The following PAK2 variants were observed in gnomAD, a reference collection of about 807,000 sequenced individuals.
PAK2 encodes the protein p21 (RAC1) activated kinase 2.
A neutral mutation model predicts 65.9 loss-of-function variants in PAK2; 21 were observed. The observed-to-expected ratio is 0.32, with a 90% confidence interval of 0.23 to 0.46. The LOEUF is 0.46. Ranked by LOEUF, PAK2 falls within the 20% of genes least tolerant of loss-of-function variation. The pLI, the probability that PAK2 is intolerant of heterozygous loss-of-function variation, is 1.00. For missense variants in PAK2, 324 were observed against 642.6 expected (o/e 0.50, Z 5.36); for synonymous variants, 204 against 219.7 (o/e 0.93, Z 0.63).
intron 13 of PAK2, among the ~76,000 whole-genome samples, chr3:196,821,733 C>T (rs998093714): frequency 1.3e-5 from 2 of 152,072 alleles, no homozygotes; most frequent in African/African-American, 2.4e-5. Flanking sequence ...CTAGAAATCT[C>T]GTTCATTGCA....
At chr3:196,763,883 C>T (rs766159927) in intron 1 of PAK2, among the ~76,000 whole-genome samples, 3 of 152,018 alleles carry the variant, frequency 2.0e-5, no homozygotes, top group Admixed American at 6.6e-5. Flanking sequence ...ACTGCAAGCT[C>T]TGCCTCCTGG....
chr3:196,819,414 G>A (rs1711582768), intron 12 of PAK2, among the ~76,000 whole-genome samples: 1 of 152,100 alleles, frequency 6.6e-6, no homozygotes. Flanking sequence ...TGCACACAGC[G>A]TGGGCAACAG....
chr3:196,826,049 G>T (rs1711854679), intron 13 of PAK2, among the ~76,000 whole-genome samples: 1 of 151,002 alleles, frequency 6.6e-6, no homozygotes, highest in South Asian at 2.1e-4. Flanking sequence ...ATGGGGTTTT[G>T]CCATGTTGCC....
intron 1 of PAK2, among the ~76,000 whole-genome samples, chr3:196,749,537 T>G (rs1713500560): frequency 6.6e-6 from 1 of 152,228 alleles, no homozygotes; most frequent in Admixed American, 6.5e-5. Context: ...TTTGTATATC[T>G]TCTTTGAAAA....
chr3:196,754,315 A>C (rs145127947), intron 1 of PAK2, among the ~76,000 whole-genome samples: 5 of 152,276 alleles, frequency 3.3e-5, no homozygotes, highest in African/African-American at 1.2e-4. Context: ...CTTACTGCCT[A>C]CTTACCATTG....
chr3:196,781,245 A>C (rs1714705968), intron 1 of PAK2, among the ~76,000 whole-genome samples: 1 of 152,232 alleles, frequency 6.6e-6, no homozygotes, highest in African/African-American at 2.4e-5. Flanking sequence ...TCAAATTAAG[A>C]TCCAGTTACC....
rs796294461 is a variant in PAK2, at chr3:196,831,163, C to T, written c.*2758C>T. 6.6e-6 allele frequency: 1 copy of T among 152,232 alleles called. No individual in the cohort carries two copies. The allele number at this position is 152,232 out of a possible 1,614,324, so 9.4% of individuals were successfully genotyped here. A position where few individuals can be genotyped will look rare whatever the true frequency, so the allele number is the denominator to read the frequency against. On this transcript the variant is annotated 3_prime_UTR_variant, in exon 15 of 15. Coordinates refer to ENST00000327134, the MANE Select transcript of PAK2 (RefSeq NM_002577.4). ...TTGGCCTCCCAAAGTGCTGCAGTTACAGGCGTGAGCCACTGCACCTGGCCT... is the reference window on the plus strand; with the variant it reads ...TTGGCCTCCCAAAGTGCTGCAGTTATAGGCGTGAGCCACTGCACCTGGCCT...
chr3:196,753,639 G>A (rs1298498354), intron 1 of PAK2, among the ~76,000 whole-genome samples: 1 of 152,084 alleles, frequency 6.6e-6, no homozygotes, highest in Non-Finnish European at 1.5e-5. Flanking sequence ...TACATTTTCA[G>A]CTAGTATTTT....
chr3:196,756,850 G>A (rs184021729), intron 1 of PAK2, among the ~76,000 whole-genome samples: 1 of 151,982 alleles, frequency 6.6e-6, no homozygotes, highest in East Asian at 1.9e-4. Flanking sequence ...AAGAAAGAAA[G>A]AAACAAAATG....
Position 196,752,982 on chromosome 3 carries a change from A to T in PAK2, c.-22+12825A>T, listed in dbSNP as rs542212059. Among the ~76,000 whole-genome samples the T allele has an allele frequency of 1.1e-3, 164 of 150,346 alleles. 1 individual carries two copies. Among genetic ancestry groups the T allele is most frequent in the Non-Finnish European group, 1.2e-3 (82 of 67,592 alleles). Reference sequence around the variant, plus strand: ...CGTGAGAATGGGTTAAGAGAAAAAAAAATTTTTTTTTTTTTTGAGACGGAG... The same window carrying T: ...CGTGAGAATGGGTTAAGAGAAAAAATAATTTTTTTTTTTTTTGAGACGGAG... On this transcript the variant is annotated intron_variant, in intron 1 of 14. Transcript: ENST00000327134.
chr3:196,773,479 A>G lies in PAK2; in HGVS notation c.-21-9147A>G, dbSNP rs539460339. ...AAAATACTGTTTTATGGAAAAGAGA[A>G]CTGAAGGTCATGAATCAGCTGTGAG... On this transcript the variant is annotated intron_variant, in intron 1 of 14. Coordinates refer to ENST00000327134, the MANE Select transcript of PAK2 (RefSeq NM_002577.4). Among the ~76,000 whole-genome samples the G allele has an allele frequency of 2.2e-3, 329 of 152,332 alleles. 1 individual carries two copies. Among genetic ancestry groups the G allele is most frequent in the Non-Finnish European group, 3.6e-3 (244 of 68,032 alleles).
rs1438660557 is a variant in PAK2, at chr3:196,831,773, T to G, written c.*3368T>G. The G allele has an allele frequency of 6.6e-6, 1 of 152,204 alleles. No homozygotes were observed. The highest frequency in any genetic ancestry group is 2.4e-5 in the African/African-American group (1 of 41,462). 9.4% of individuals were successfully genotyped at this position (152,204 alleles called of 1,614,324 possible). On this transcript the variant is annotated 3_prime_UTR_variant, in exon 15 of 15. Transcript: ENST00000327134. Reference sequence around the variant, plus strand: ...CATCCATTTTTGAGTCTAAATCTTTTAAAATATACTGAGATCCACATCTAG... The same window carrying G: ...CATCCATTTTTGAGTCTAAATCTTTGAAAATATACTGAGATCCACATCTAG...
intron 13 of PAK2, among the ~76,000 whole-genome samples, chr3:196,823,168 G>T (rs1378887548): frequency 6.6e-6 from 1 of 152,162 alleles, no homozygotes; most frequent in African/African-American, 2.4e-5. Context: ...CATAATTCAG[G>T]CAAGCAGTGA....
intron 1 of PAK2, among the ~76,000 whole-genome samples, chr3:196,768,290 G>A (rs1714239957): frequency 1.3e-5 from 2 of 151,886 alleles, no homozygotes; most frequent in Admixed American, 6.5e-5. Context: ...TAATTTTGCC[G>A]AGATATTTTA....
intron 2 of PAK2, among the ~76,000 whole-genome samples, chr3:196,801,099 A>G (rs972560084): frequency 1.3e-5 from 2 of 152,328 alleles, no homozygotes; most frequent in Admixed American, 6.5e-5. Flanking sequence ...AAATGTGGCA[A>G]TTAGTAACTC....
chr3:196,828,583 T>G lies in PAK2; in HGVS notation c.*178T>G, dbSNP rs1172868183. ...AAATTGCAAAAAGACAAGTATGACT[T>G]TTATATGAACCCCTTCTTTAGGGTC... On this transcript the variant is annotated 3_prime_UTR_variant, in exon 15 of 15. Coordinates refer to ENST00000327134, the MANE Select transcript of PAK2 (RefSeq NM_002577.4). The G allele has an allele frequency of 5.2e-6, 3 of 580,914 alleles. No individual in the cohort carries two copies. Among genetic ancestry groups the G allele is most frequent in the Non-Finnish European group, 9.1e-6 (3 of 330,694 alleles). The allele number at this position is 580,914 out of a possible 1,614,324, so 36.0% of individuals were successfully genotyped here.
rs147598320 is a variant in PAK2 at position 196,767,786 on chromosome 3, GC to G, written c.-21-14837del. On this transcript the variant is annotated intron_variant, in intron 1 of 14. Coordinates refer to ENST00000327134, the MANE Select transcript of PAK2 (RefSeq NM_002577.4). ...TGGGATTACAGGCGTGAGCCACCGT[GC>G]CCGGCTGAAATACATGTTTTTATTT... Among the ~76,000 whole-genome samples the G allele has an allele frequency of 9.9e-4, 151 of 152,154 alleles. 2 individuals carry two copies. Among genetic ancestry groups the G allele is most frequent in the African/African-American group, 3.6e-3 (148 of 41,406 alleles).
chr3:196,745,847 A>G lies in PAK2; in HGVS notation c.-22+5690A>G, dbSNP rs1351854039. 2.0e-5 allele frequency among the ~76,000 whole-genome samples: 3 copies of G among 151,884 alleles called. No homozygotes were observed. In the East Asian group the frequency reaches 5.8e-4, roughly 29 times the overall value. ...AAAAAAAAAAGAAGAAGTAGTAACTAGATTTTTCTGTTCATTGGTATTTTT... is the reference window on the plus strand; with the variant it reads ...AAAAAAAAAAGAAGAAGTAGTAACTGGATTTTTCTGTTCATTGGTATTTTT... On this transcript the variant is annotated intron_variant, in intron 1 of 14. Transcript: ENST00000327134.
At chr3:196,782,565 G>GT in intron 1 of PAK2, 61 bp from the exon 2 acceptor site, 1 of 775,882 alleles carries the variant, frequency 1.3e-6, no homozygotes, top group Admixed American at 2.5e-5. Context: ...AGTTATTACT[G>GT]TTTTTTGCTT....
Sources: allele counts gnomAD v4.1 joint callset (sites outside exome capture counted in the v4.1 genomes callset), GRCh38; gene constraint gnomAD v4.1.1; transcripts MANE v1.5; gene names NCBI Gene and HGNC (gene_info 2026-07-23, HGNC 2026-07-21).